MATN2: variants seen among roughly 807,000 people sequenced by gnomAD.
MATN2 encodes the protein matrilin 2.
Under a neutral mutation model 103.2 loss-of-function variants are expected in MATN2, and 69 were observed. The ratio of observed to expected loss-of-function variants is 0.67; its 90% CI spans 0.55 to 0.82. The LOEUF is 0.82. MATN2 is among the 40% of genes least tolerant of loss of function. The pLI is 0.00. For synonymous variants in MATN2, 429 were observed against 450.2 expected, an observed-to-expected ratio of 0.95 and a Z score of 0.60; for missense variants, 1,023 against 1,211.5, an observed-to-expected ratio of 0.84 and a Z score of 2.31.
intron 2 of MATN2, among the ~76,000 whole-genome samples, chr8:97,911,183 G>GT (rs1211597949): frequency 6.6e-6 from 1 of 151,280 alleles, no homozygotes; most frequent in Non-Finnish European, 1.5e-5. Flanking sequence ...GGTAGAGACG[G>GT]GGTCTCACCA....
chr8:98,018,503 C>CA (rs1273645767), intron 12 of MATN2, among the ~76,000 whole-genome samples: 12 of 152,074 alleles, frequency 7.9e-5, no homozygotes, highest in African/African-American at 2.9e-4. Flanking sequence ...AAAGTAAGGG[C>CA]AAAGGGTGAA....
chr8:97,875,122 G>A (rs1818027417), intron 1 of MATN2, among the ~76,000 whole-genome samples: 1 of 151,788 alleles, frequency 6.6e-6, no homozygotes. Flanking sequence ...AATTCCCTTT[G>A]CCATCTAACA....
intron 5 of MATN2, among the ~76,000 whole-genome samples, chr8:97,974,509 C>T (rs1417172152): frequency 3.3e-5 from 5 of 152,128 alleles, no homozygotes; most frequent in South Asian, 2.1e-4. Flanking sequence ...TGCAGTGGCA[C>T]GATCTTGGCT....
intron 10 of MATN2, among the ~76,000 whole-genome samples, chr8:98,012,501 G>T (rs1586156024): frequency 6.6e-6 from 1 of 152,270 alleles, no homozygotes; most frequent in East Asian, 1.9e-4. Flanking sequence ...GAGGGGAAAT[G>T]CTTCACTAGG....
chr8:97,891,586 C>T (rs866929574), intron 2 of MATN2, among the ~76,000 whole-genome samples: 3 of 152,082 alleles, frequency 2.0e-5, no homozygotes, highest in Non-Finnish European at 4.4e-5. Flanking sequence ...GATCCTCCCC[C>T]CTCAGTCTCC....
chr8:97,923,793 G>A (rs1809895850), intron 2 of MATN2, among the ~76,000 whole-genome samples: 1 of 152,138 alleles, frequency 6.6e-6, no homozygotes, highest in African/African-American at 2.4e-5. Flanking sequence ...CTAACCTCAA[G>A]TGATCCAACC....
Position 97,906,466 on chromosome 8 carries a change from C to T in MATN2, c.142+18224C>T, listed in dbSNP as rs1227806909. ...CTCAAAGGAGCCCTTTTCCCTCCTA[C>T]CAGATGGTCTGTTCTCATGTACATG... is the stretch of plus-strand genomic sequence containing the variant. On this transcript the variant is annotated intron_variant, in intron 2 of 18. Coordinates refer to ENST00000254898, the MANE Select transcript of MATN2 (RefSeq NM_002380.5). Among the ~76,000 whole-genome samples the T allele has an allele frequency of 4.6e-5, 7 of 152,280 alleles. No homozygotes were observed. The East Asian group carries it at 9.6e-4, about 21-fold the overall frequency.
intron 3 of MATN2, among the ~76,000 whole-genome samples, chr8:97,937,371 T>G (rs16896436): frequency 0.025 from 3,794 of 152,242 alleles, 167 homozygotes; most frequent in African/African-American, 0.088. Context: ...AAGAGCTACC[T>G]GATTTCCCAG....
intron 10 of MATN2, among the ~76,000 whole-genome samples, chr8:98,009,836 TC>T (rs2130395738): frequency 6.6e-6 from 1 of 152,204 alleles, no homozygotes; most frequent in East Asian, 1.9e-4. Context: ...TGCAAGGGCA[TC>T]CCAGCACCAA....
chr8:98,000,656 TTA>T (rs1469023621), intron 7 of MATN2, among the ~76,000 whole-genome samples: 3 of 150,916 alleles, frequency 2.0e-5, no homozygotes, highest in Non-Finnish European at 4.4e-5. Context: ...TCAAATGAAG[TTA>T]TGTTTGTAAA....
intron 1 of MATN2, among the ~76,000 whole-genome samples, chr8:97,871,572 C>T (rs1364883293): frequency 2.0e-5 from 3 of 152,172 alleles, no homozygotes; most frequent in Non-Finnish European, 4.4e-5. Context: ...GGAGGACTCC[C>T]CTGTTTAAAG....
intron 2 of MATN2, among the ~76,000 whole-genome samples, chr8:97,923,305 A>C (rs1311914024): frequency 6.6e-6 from 1 of 151,946 alleles, no homozygotes; most frequent in African/African-American, 2.4e-5. Flanking sequence ...CATGTTTTTA[A>C]TCATGCTTCA....
At chr8:97,901,193 G>T (rs1251245636) in intron 2 of MATN2, among the ~76,000 whole-genome samples, 1 of 152,116 alleles carries the variant, frequency 6.6e-6, no homozygotes, top group Non-Finnish European at 1.5e-5. Context: ...AAGAAGAATA[G>T]GAAAACCATC....
At chr8:97,932,146 C>G (rs1040570547) in intron 3 of MATN2, among the ~76,000 whole-genome samples, 1 of 152,102 alleles carries the variant, frequency 6.6e-6, no homozygotes, top group Admixed American at 6.5e-5. Flanking sequence ...GGAAGGGACA[C>G]GTAAGCCCAA....
In MATN2 at chr8:97,955,118, G is replaced by C. The variant is rs147518568; in HGVS notation, c.836-6290G>C. On this transcript the variant is annotated intron_variant, in intron 4 of 18. Transcript: ENST00000254898. Reference sequence around the variant, plus strand: ...CATGTAAATGGAGCAGAGAAAATAAGAGGAGGCTTGAGATAAGACTGGAGA... The same window carrying C: ...CATGTAAATGGAGCAGAGAAAATAACAGGAGGCTTGAGATAAGACTGGAGA... Among the ~76,000 whole-genome samples, 4 of 152,334 alleles carry C rather than the reference G, an allele frequency of 2.6e-5. No individual in the cohort carries two copies. In the East Asian group the frequency reaches 7.7e-4, roughly 29 times the overall value.
chr8:97,986,745 G>A (rs1178808377), intron 6 of MATN2, among the ~76,000 whole-genome samples: 1 of 152,180 alleles, frequency 6.6e-6, no homozygotes, highest in African/African-American at 2.4e-5. Context: ...ATAAACATGC[G>A]TGTGCAAGTA....
chr8:97,891,681 G>C (rs899214341), intron 2 of MATN2, among the ~76,000 whole-genome samples: 27 of 152,122 alleles, frequency 1.8e-4, no homozygotes, highest in Middle Eastern at 3.2e-3. Context: ...TGTTTTTTAA[G>C]AATCCTGAGG....
At chr8:97,930,621 T>C (rs1810148041) in intron 2 of MATN2, 1 of 197,532 alleles carries the variant, frequency 5.1e-6, no homozygotes, top group Non-Finnish European at 1.0e-5. Flanking sequence ...TTAATGTTTT[T>C]ATTCTTATTT....
chr8:97,980,589 G>A (rs1486774001), intron 6 of MATN2, among the ~76,000 whole-genome samples: 1 of 118,182 alleles, frequency 8.5e-6, no homozygotes, highest in Non-Finnish European at 1.6e-5. Context: ...TTTTGACACT[G>A]GGTCTTACTC....
Sources: gnomAD v4.1 joint callset for allele counts (sites outside exome capture counted in the v4.1 genomes callset) on GRCh38, gnomAD v4.1.1 for gene constraint, MANE v1.5 for transcripts, NCBI Gene and HGNC (gene_info 2026-07-23, HGNC 2026-07-21) for gene names.